The following PTCHD4 variants were observed in gnomAD, a reference collection of about 807,000 sequenced individuals.
PTCHD4 encodes the protein patched domain-containing protein 4.
Under a neutral mutation model 58.1 loss-of-function variants are expected in PTCHD4, and 33 were observed. That is an observed-to-expected ratio of 0.57 (90% CI 0.43 to 0.76). PTCHD4 has a LOEUF of 0.76. Ranked by LOEUF, PTCHD4 falls within the 30% of genes least tolerant of loss-of-function variation. The pLI is 0.00. For synonymous variants in PTCHD4, 478 were observed against 409.6 expected (o/e 1.17, Z -2.02); for missense variants, 1,058 against 1,027.1 (o/e 1.03, Z -0.41).
At chr6:48,104,745 G>C (rs1765683234) in intron 1 of PTCHD4, among the ~76,000 whole-genome samples, 2 of 152,084 alleles carry the variant, frequency 1.3e-5, no homozygotes, top group African/African-American at 4.8e-5. Flanking sequence ...AAAAATAAAG[G>C]AATGGAGTAA....
chr6:47,987,272 G>C (rs755770817), intron 4 of PTCHD4, among the ~76,000 whole-genome samples: 1 of 129,924 alleles, frequency 7.7e-6, no homozygotes, highest in Admixed American at 8.0e-5. Context: ...AGGGGGGAAG[G>C]GGGAGGGATA....
chr6:47,890,574 C>T (rs538556536), intron 4 of PTCHD4, among the ~76,000 whole-genome samples: 1 of 152,292 alleles, frequency 6.6e-6, no homozygotes, highest in South Asian at 2.1e-4. Context: ...GTAAGTGCTA[C>T]ATTGAATGGA....
At chr6:48,032,546 AT>A (rs1319443431) in intron 3 of PTCHD4, among the ~76,000 whole-genome samples, 1 of 152,110 alleles carries the variant, frequency 6.6e-6, no homozygotes, top group Non-Finnish European at 1.5e-5. Context: ...AAATTAAGTA[AT>A]CAAGAATTAT....
In PTCHD4 at chr6:47,867,061, T is replaced by C. The variant is rs374754132; in HGVS notation, c.*11242A>G. On this transcript the variant is annotated 3_prime_UTR_variant, in exon 5 of 5. Transcript: ENST00000339488. The stretch of plus-strand genomic sequence containing the variant: ...CATAGTACTTGTTTACAATGTTTTC[T>C]TTCTGGGAACAATCTATAAATCAGG... Among the ~76,000 whole-genome samples, 18 of 151,970 alleles carry C rather than the reference T, an allele frequency of 1.2e-4. No individual in the cohort carries two copies. The highest frequency in any genetic ancestry group is 3.4e-4 in the African/African-American group (14 of 41,530).
At chr6:47,959,493 C>T (rs1306967366) in intron 4 of PTCHD4, among the ~76,000 whole-genome samples, 2 of 151,904 alleles carry the variant, frequency 1.3e-5, no homozygotes, top group Non-Finnish European at 2.9e-5. Context: ...AATGGGGGAG[C>T]AGAAAAATAT....
chr6:47,994,065 G>A (rs1768383023), intron 4 of PTCHD4, among the ~76,000 whole-genome samples: 1 of 152,156 alleles, frequency 6.6e-6, no homozygotes, highest in Admixed American at 6.5e-5. Flanking sequence ...GAAGGCGGGA[G>A]CAGGTAAGAA....
At position 47,863,773 on chromosome 6, in the gene PTCHD4, C is replaced by T. The variant is rs184971357; in HGVS notation, c.*14530G>A. On this transcript the variant is annotated 3_prime_UTR_variant, in exon 5 of 5. Transcript: ENST00000339488. ...TTCTTTTATACTCTACGCCTTGGTT[C>T]CATGTTCCTAAATTTTCTTCATGAA... 6.6e-6 allele frequency among the ~76,000 whole-genome samples: 1 copy of T among 151,992 alleles called. No homozygotes were observed. The highest frequency in any genetic ancestry group is 6.6e-5 in the Admixed American group (1 of 15,242).
At chr6:48,051,566 C>A (rs1764235705) in intron 3 of PTCHD4, among the ~76,000 whole-genome samples, 1 of 151,726 alleles carries the variant, frequency 6.6e-6, no homozygotes, top group Non-Finnish European at 1.5e-5. Context: ...GATTAATAAC[C>A]CTCATGTTTT....
intron 3 of PTCHD4, among the ~76,000 whole-genome samples, chr6:48,046,832 T>C (rs55931030): frequency 0.023 from 3,454 of 152,012 alleles, 55 homozygotes; most frequent in Middle Eastern, 0.044. Context: ...TTTAATTAAG[T>C]TGTTCCTCTT....
chr6:47,948,097 G>A (rs1766490804), intron 4 of PTCHD4, among the ~76,000 whole-genome samples: 1 of 152,236 alleles, frequency 6.6e-6, no homozygotes, highest in South Asian at 2.1e-4. Flanking sequence ...AGCTGGAGCT[G>A]TGGTCTTAGC....
intron 3 of PTCHD4, among the ~76,000 whole-genome samples, chr6:48,047,457 A>G (rs1048415835): frequency 1.3e-5 from 2 of 151,910 alleles, no homozygotes; most frequent in South Asian, 4.1e-4. Context: ...TATGTCTTAT[A>G]GAGTCAACCA....
intron 4 of PTCHD4, among the ~76,000 whole-genome samples, chr6:47,934,982 C>T (rs115646056): frequency 6.6e-6 from 1 of 152,102 alleles, no homozygotes; most frequent in African/African-American, 2.4e-5. Context: ...TTAAATAAGT[C>T]TATGTTCACA....
rs187529027 is a variant in PTCHD4 at position 47,857,810 on chromosome 6, G to A, written c.*20493C>T. On this transcript the variant is annotated 3_prime_UTR_variant, in exon 5 of 5. Transcript: ENST00000339488. ...CAGGTATTAAACATACAAATGATTG[G>A]CATTAAACATTCTTTTTACAAGCTG... is the stretch of plus-strand genomic sequence containing the variant. 6.0e-4 allele frequency among the ~76,000 whole-genome samples: 91 copies of A among 151,958 alleles called. No homozygotes were observed. Among genetic ancestry groups the A allele is most frequent in the African/African-American group, 2.1e-3 (88 of 41,470 alleles).
rs1439186727 is a variant in PTCHD4, at chr6:47,856,862, G to A, written c.*21441C>T. ...TCACATGATTTTCTAATATAAAAAA[G>A]CATATAGTCATCAACCTTTATATAA... On this transcript the variant is annotated 3_prime_UTR_variant, in exon 5 of 5. Coordinates refer to ENST00000339488, the MANE Select transcript of PTCHD4 (RefSeq NM_001384253.1). 6.6e-6 allele frequency among the ~76,000 whole-genome samples: 1 copy of A among 151,932 alleles called. No individual in the cohort carries two copies. Among genetic ancestry groups the A allele is most frequent in the Admixed American group, 6.6e-5 (1 of 15,234 alleles).
chr6:48,076,952 AT>A (rs1244931292), intron 1 of PTCHD4, among the ~76,000 whole-genome samples: 1 of 152,184 alleles, frequency 6.6e-6, no homozygotes, highest in East Asian at 1.9e-4. Context: ...GGCGCATACT[AT>A]TAAGTTAGGT....
intron 3 of PTCHD4, among the ~76,000 whole-genome samples, chr6:48,044,406 G>A (rs1435947536): frequency 7.2e-5 from 11 of 151,800 alleles, no homozygotes; most frequent in Admixed American, 7.2e-4. Flanking sequence ...AAGTGCAGTT[G>A]TAGATGCAAC....
chr6:48,020,608 A>G (rs1178590485), intron 3 of PTCHD4, among the ~76,000 whole-genome samples: 2 of 152,138 alleles, frequency 1.3e-5, no homozygotes, highest in Non-Finnish European at 2.9e-5. Flanking sequence ...AACCAAGATA[A>G]AGACAAATAA....
chr6:47,986,117 A>C (rs1768057223), intron 4 of PTCHD4, among the ~76,000 whole-genome samples: 1 of 152,242 alleles, frequency 6.6e-6, no homozygotes, highest in Admixed American at 6.5e-5. Flanking sequence ...CTAAATGAAT[A>C]GCTATTTATA....
At chr6:48,010,737 T>C (rs574105631) in intron 3 of PTCHD4, among the ~76,000 whole-genome samples, 2 of 152,284 alleles carry the variant, frequency 1.3e-5, no homozygotes, top group East Asian at 3.9e-4. Flanking sequence ...CCTAATGCTA[T>C]CCATCTCCTA....
Sources: gnomAD v4.1 joint callset for allele counts (sites outside exome capture counted in the v4.1 genomes callset) on GRCh38, gnomAD v4.1.1 for gene constraint, MANE v1.5 for transcripts, NCBI Gene and HGNC (gene_info 2026-07-23, HGNC 2026-07-21) for gene names.